Variants in RAPGEF2 observed in about 807,000 individuals in gnomAD.
RAPGEF2 encodes the protein Rap guanine nucleotide exchange factor 2, also known as PDZ domain containing guanine nucleotide exchange factor (GEF) 1.
In RAPGEF2, 54 loss-of-function variants were observed where a neutral mutation model predicts 186.7. The observed-to-expected ratio is 0.29, with a 90% CI of 0.23 to 0.36. The LOEUF is 0.36. Among genes scored for constraint, RAPGEF2 ranks in the 10% least tolerant of loss-of-function variants. The probability of loss-of-function intolerance (pLI) is 1.00; values close to 1 mark genes in which losing one functional copy is unlikely to be tolerated. For synonymous variants in RAPGEF2, 712 were observed against 705.9 expected (o/e 1.01, Z -0.14); for missense variants, 1,532 against 2,045.0 (o/e 0.75, Z 4.84).
intron 4 of RAPGEF2, among the ~76,000 whole-genome samples, chr4:159,221,868 A>G (rs909312481): frequency 2.0e-5 from 3 of 152,234 alleles, no homozygotes; most frequent in African/African-American, 7.2e-5. Context: ...TGATGAAACA[A>G]ATATCAACTT....
At chr4:159,217,317 C>T (rs775217895) in intron 4 of RAPGEF2, among the ~76,000 whole-genome samples, 1 of 152,078 alleles carries the variant, frequency 6.6e-6, no homozygotes, top group Non-Finnish European at 1.5e-5. Context: ...AATTCTTGCC[C>T]GCTTCCTTCC....
chr4:159,188,639 G>A (rs1180309207), intron 2 of RAPGEF2, among the ~76,000 whole-genome samples: 1 of 149,428 alleles, frequency 6.7e-6, no homozygotes, highest in African/African-American at 2.5e-5. Context: ...ACTCCAGCCT[G>A]GGCAACAGAA....
intron 6 of RAPGEF2, 103 bp downstream of exon 6, chr4:159,241,471 T>C (rs1051790265): frequency 1.0e-5 from 5 of 501,708 alleles, no homozygotes; most frequent in Non-Finnish European, 1.5e-5. Context: ...TTTTCAATTA[T>C]ATATATATAC....
Position 159,197,233 on chromosome 4 carries a change from C to G in RAPGEF2, c.197+3977C>G, listed in dbSNP as rs180858206. On this transcript the variant is annotated intron_variant, in intron 3 of 29. Coordinates refer to ENST00000691494, the MANE Select transcript of RAPGEF2 (RefSeq NM_001394067.2). ...CAATAAGAAGTTGGGAATTTGTTCT[C>G]TGGAAAAATTCTTTGAACCTGGGGC... is the stretch of plus-strand genomic sequence containing the variant. Among the ~76,000 whole-genome samples the G allele has an allele frequency of 2.0e-5, 3 of 152,310 alleles. 1 individual carries two copies. The East Asian group carries it at 5.8e-4, about 29-fold the overall frequency.
At chr4:159,247,562 A>G (rs888556851) in intron 7 of RAPGEF2, among the ~76,000 whole-genome samples, 8 of 152,090 alleles carry the variant, frequency 5.3e-5, no homozygotes, top group African/African-American at 1.9e-4. Flanking sequence ...ACATACTGAG[A>G]TTTACATTTA....
chr4:159,297,019 A>C (rs1264680278), intron 7 of RAPGEF2, among the ~76,000 whole-genome samples: 2 of 152,172 alleles, frequency 1.3e-5, no homozygotes, highest in Non-Finnish European at 2.9e-5. Flanking sequence ...AATTGTCCCC[A>C]TTTCATACAC....
chr4:159,210,577 G>A lies in RAPGEF2; in HGVS notation c.275G>A (p.Arg92Lys). 2.0e-6 allele frequency: 3 copies of A among 1,524,804 alleles called. No individual in the cohort carries two copies. The highest frequency in any genetic ancestry group is 2.6e-6 in the Non-Finnish European group (3 of 1,136,808). The allele number at this position is 1,524,804 out of a possible 1,614,324, so 94.5% of individuals were successfully genotyped here. ...VFIKESMFLP[R>K]SSFGKRSAGS... is the part of the protein sequence containing the mutation. ...ATCAAGGAATCCATGTTTCTTCCAA[G>A]AAGCAGGTATTGTATAGACATTCTG... Residue 92 changes from arginine (R) to lysine (K), a missense_variant, in exon 4 of 30, where the codon AGA (arginine) becomes AAA (lysine). By Grantham distance (26) the Arg-to-Lys change is conservative. This residue lies in a region of RAPGEF2 where 810 missense variants were observed against 1,210.5 expected (regional missense o/e 0.67). Coordinates refer to ENST00000691494, the MANE Select transcript of RAPGEF2 (RefSeq NM_001394067.2).
At chr4:159,131,216 T>C (rs1741033344) in intron 1 of RAPGEF2, among the ~76,000 whole-genome samples, 1 of 152,128 alleles carries the variant, frequency 6.6e-6, no homozygotes, top group East Asian at 1.9e-4. Flanking sequence ...GTTCAAGCGA[T>C]TCTGCTGCCT....
At chr4:159,178,551 CTT>C (rs71589215) in intron 1 of RAPGEF2, among the ~76,000 whole-genome samples, 2 of 75,482 alleles carry the variant, frequency 2.6e-5, no homozygotes, top group Admixed American at 1.8e-4. Context: ...ATGTATTATG[CTT>C]TTTTTTTTTT....
At chr4:159,233,931 T>C (rs1752936980) in intron 4 of RAPGEF2, among the ~76,000 whole-genome samples, 1 of 135,670 alleles carries the variant, frequency 7.4e-6, no homozygotes, top group Non-Finnish European at 1.8e-5. Context: ...TAGTAAGTTT[T>C]GAAATTGGGA....
intron 7 of RAPGEF2, among the ~76,000 whole-genome samples, chr4:159,248,304 G>GA (rs1373874899): frequency 6.6e-6 from 1 of 152,184 alleles, no homozygotes; most frequent in African/African-American, 2.4e-5. Flanking sequence ...AGAGGATGAA[G>GA]AGAGAGTGTT....
intron 2 of RAPGEF2, 116 bp downstream of exon 2, chr4:159,186,828 C>T (rs934219861): frequency 9.0e-6 from 5 of 554,824 alleles, no homozygotes; most frequent in East Asian, 6.4e-5. Flanking sequence ...TGTACATATT[C>T]GTGGGGTACA....
chr4:159,351,292 T>C, intron 26 of RAPGEF2: 1 of 1,282,158 alleles, frequency 7.8e-7, no homozygotes, highest in Non-Finnish European at 1.0e-6. Flanking sequence ...AGTGATTTAT[T>C]TTTCTGAAAC....
chr4:159,337,926 A>G (rs948083157), intron 17 of RAPGEF2, among the ~76,000 whole-genome samples: 1 of 147,886 alleles, frequency 6.8e-6, no homozygotes, highest in Non-Finnish European at 1.5e-5. Flanking sequence ...AAGAAAAACC[A>G]TAGGTTTTAG....
At chr4:159,234,894 G>C (rs1175051472) in intron 4 of RAPGEF2, among the ~76,000 whole-genome samples, 1 of 152,104 alleles carries the variant, frequency 6.6e-6, no homozygotes, top group Non-Finnish European at 1.5e-5. Flanking sequence ...TGAGTAGTTA[G>C]GATTACAGGT....
intron 7 of RAPGEF2, among the ~76,000 whole-genome samples, chr4:159,257,807 A>G (rs1445084287): frequency 6.6e-6 from 1 of 152,198 alleles, no homozygotes; most frequent in Non-Finnish European, 1.5e-5. Context: ...TAACAGTACC[A>G]TGCTGTTTTG....
intron 1 of RAPGEF2, among the ~76,000 whole-genome samples, chr4:159,156,401 G>T (rs1744122782): frequency 6.6e-6 from 1 of 151,676 alleles, no homozygotes; most frequent in East Asian, 1.9e-4. Context: ...TAATCCCTAT[G>T]TGTTATATCT....
chr4:159,339,785 C>T (rs1767970127), intron 19 of RAPGEF2, among the ~76,000 whole-genome samples: 2 of 152,178 alleles, frequency 1.3e-5, no homozygotes, highest in Non-Finnish European at 2.9e-5. Context: ...CCTGCATACC[C>T]AACTTTTCTA....
intron 7 of RAPGEF2, among the ~76,000 whole-genome samples, chr4:159,251,685 C>G (rs1169384179): frequency 6.6e-6 from 1 of 152,070 alleles, no homozygotes; most frequent in East Asian, 1.9e-4. Context: ...ATGCACCAAT[C>G]AGCACTCTGT....
Sources: allele counts gnomAD v4.1 joint callset (sites outside exome capture counted in the v4.1 genomes callset), GRCh38; gene constraint gnomAD v4.1.1; regional missense constraint gnomAD v4.1.1; transcripts MANE v1.5; gene names NCBI Gene and HGNC (gene_info 2026-07-23, HGNC 2026-07-21).